Variants in RIMS1 observed in about 807,000 individuals in gnomAD.
RIMS1 encodes regulating synaptic membrane exocytosis protein 1.
Under a neutral mutation model 214.1 loss-of-function variants are expected in RIMS1, and 83 were observed. The observed-to-expected ratio is 0.39, with a 90% CI of 0.32 to 0.47. RIMS1 has a LOEUF of 0.47. Ranked by LOEUF, RIMS1 falls within the 20% of genes least tolerant of loss-of-function variation. The probability of loss-of-function intolerance (pLI) is 0.99; values close to 1 mark genes in which losing one functional copy is unlikely to be tolerated. For missense variants in RIMS1, 2,050 were observed against 2,161.8 expected (o/e 0.95, Z 1.03); for synonymous variants, 793 against 786.8 (o/e 1.01, Z -0.13).
At position 72,162,117 on chromosome 6, in the gene RIMS1, A is replaced by C. The variant is rs1199381848; in HGVS notation, c.472-17458A>C. On this transcript the variant is annotated intron_variant, in intron 4 of 33. Transcript: ENST00000521978. Reference sequence around the variant, plus strand: ...TTAGGATAGTTAGCTCTTCTTGTTGAATTGATCCCTTTACCATTATGTAAT... The same window carrying C: ...TTAGGATAGTTAGCTCTTCTTGTTGCATTGATCCCTTTACCATTATGTAAT... Among the ~76,000 whole-genome samples, 3 of 140,810 alleles carry C rather than the reference A, an allele frequency of 2.1e-5. 1 individual carries two copies. The highest frequency in any genetic ancestry group is 4.8e-5 in the Non-Finnish European group (3 of 61,948). 92.4% of individuals were successfully genotyped at this position (140,810 alleles called of 152,430 possible). A position where few individuals can be genotyped will look rare whatever the true frequency, so the allele number is the denominator to read the frequency against.
At chr6:72,179,300 T>C (rs1195309506) in intron 4 of RIMS1, among the ~76,000 whole-genome samples, 1 of 152,084 alleles carries the variant, frequency 6.6e-6, no homozygotes, top group Non-Finnish European at 1.5e-5. Context: ...ATATGACAGA[T>C]ATATGGTAAA....
At chr6:72,013,661 A>T (rs530643865) in intron 2 of RIMS1, among the ~76,000 whole-genome samples, 1 of 152,318 alleles carries the variant, frequency 6.6e-6, no homozygotes, top group Admixed American at 6.5e-5. Context: ...TTTCTCCTTC[A>T]TTTCAAATGC....
intron 29 of RIMS1, among the ~76,000 whole-genome samples, chr6:72,353,060 G>A (rs1345440248): frequency 2.2e-5 from 3 of 136,788 alleles, no homozygotes; most frequent in Non-Finnish European, 3.0e-5. Flanking sequence ...GCGAGATCTC[G>A]GCTCACTGCA....
At chr6:71,891,013 A>G (rs1246112435) in intron 1 of RIMS1, among the ~76,000 whole-genome samples, 1 of 152,200 alleles carries the variant, frequency 6.6e-6, no homozygotes, top group African/African-American at 2.4e-5. Flanking sequence ...GAAGCAGCCT[A>G]TATTTCATTT....
chr6:72,038,118 AATATATATAT>A lies in RIMS1; in HGVS notation c.246-58805_246-58796del, dbSNP rs70994111. Among the ~76,000 whole-genome samples the A allele has an allele frequency of 9.8e-3, 132 of 13,406 alleles. 4 individuals are homozygous for A. Among genetic ancestry groups the A allele is most frequent in the African/African-American group, 0.035 (105 of 3,038 alleles). The allele number at this position is 13,406 out of a possible 152,430, so 8.8% of individuals were successfully genotyped here. ...AAAAAAAAAAAAAAAAAAAAAAAAAAATATATATATATATATATATATATATATATATATA... is the reference window on the plus strand; with the variant it reads ...AAAAAAAAAAAAAAAAAAAAAAAAAAATATATATATATATATATATATATA... On this transcript the variant is annotated intron_variant, in intron 2 of 33. Coordinates refer to ENST00000521978, the MANE Select transcript of RIMS1 (RefSeq NM_014989.7).
intron 2 of RIMS1, among the ~76,000 whole-genome samples, chr6:72,090,290 T>A (rs1197246405): frequency 6.6e-6 from 1 of 152,184 alleles, no homozygotes; most frequent in African/African-American, 2.4e-5. Context: ...TACAGGCATG[T>A]GCCACTGTGC....
chr6:72,304,301 T>C (rs2094931626), intron 26 of RIMS1, among the ~76,000 whole-genome samples: 1 of 151,734 alleles, frequency 6.6e-6, no homozygotes, highest in Non-Finnish European at 1.5e-5. Flanking sequence ...GGGTTTAAAA[T>C]TGTTAAAATA....
Position 72,151,839 on chromosome 6 carries a change from C to G in RIMS1, c.472-27736C>G, listed in dbSNP as rs547571760. Among the ~76,000 whole-genome samples, 4 of 152,298 alleles carry G rather than the reference C, an allele frequency of 2.6e-5. No homozygotes were observed. In the South Asian group the frequency reaches 8.3e-4, roughly 32 times the overall value. On this transcript the variant is annotated intron_variant, in intron 4 of 33. Coordinates refer to ENST00000521978, the MANE Select transcript of RIMS1 (RefSeq NM_014989.7). ...GTAAGGAAAAGAAGTTTAACTGGCT[C>G]ACAGTTCTGCAGGATGTACAGAAGT... is the stretch of plus-strand genomic sequence containing the variant.
Position 72,177,288 on chromosome 6 carries a change from A to G in RIMS1, c.472-2287A>G, listed in dbSNP as rs537636631. On this transcript the variant is annotated intron_variant, in intron 4 of 33. Coordinates refer to ENST00000521978, the MANE Select transcript of RIMS1 (RefSeq NM_014989.7). ...TTATTTTGAGATGGAGTCTCGCTCT[A>G]TCGTCCAGGCTGGAGAACAGTGGCG... Among the ~76,000 whole-genome samples, 8 of 152,300 alleles carry G rather than the reference A, an allele frequency of 5.3e-5. No homozygotes were observed. The East Asian group carries it at 1.5e-3, about 29-fold the overall frequency.
intron 29 of RIMS1, among the ~76,000 whole-genome samples, chr6:72,364,926 A>G (rs1169003226): frequency 6.6e-6 from 1 of 152,190 alleles, no homozygotes; most frequent in African/African-American, 2.4e-5. Context: ...AGCTGACTAC[A>G]CAATTGGAAG....
chr6:72,288,321 T>C (rs2092747569), intron 24 of RIMS1, among the ~76,000 whole-genome samples: 1 of 152,242 alleles, frequency 6.6e-6, no homozygotes. Flanking sequence ...TATACTTGTA[T>C]GTATAAACCT....
intron 1 of RIMS1, among the ~76,000 whole-genome samples, chr6:71,950,248 C>T (rs1399097864): frequency 4.6e-5 from 7 of 152,076 alleles, no homozygotes; most frequent in Non-Finnish European, 1.5e-5. Context: ...GTAGAGAAGT[C>T]TTTTGGGTGA....
chr6:72,145,901 C>T (rs1172395086), intron 4 of RIMS1, among the ~76,000 whole-genome samples: 1 of 152,206 alleles, frequency 6.6e-6, no homozygotes, highest in Admixed American at 6.5e-5. Context: ...GTTAAGAATA[C>T]TCCCAAATCG....
At chr6:72,217,182 T>C in intron 6 of RIMS1, 4 of 1,536,898 alleles carry the variant, frequency 2.6e-6, no homozygotes, top group African/African-American at 2.7e-5. Flanking sequence ...ACTCCGATGC[T>C]GCTGTTATGT....
chr6:71,969,594 AG>A (rs1795328578), intron 2 of RIMS1, among the ~76,000 whole-genome samples: 1 of 152,104 alleles, frequency 6.6e-6, no homozygotes, highest in African/African-American at 2.4e-5. Context: ...GGATCACCTG[AG>A]GTATGGAGTT....
At chr6:72,339,949 G>A (rs1019402689) in intron 29 of RIMS1, among the ~76,000 whole-genome samples, 1 of 152,118 alleles carries the variant, frequency 6.6e-6, no homozygotes, top group East Asian at 1.9e-4. Context: ...AGCACCTGTT[G>A]TTTCCTGACT....
rs577566363 is a variant in RIMS1 at position 72,307,661 on chromosome 6, C to G, written c.3963+291C>G. Reference sequence around the variant, plus strand: ...ACTTGGGAGGCTGAGGTAGGAGAATCCCTTGAACCTGGGAGGCGGAAGTTG... The same window carrying G: ...ACTTGGGAGGCTGAGGTAGGAGAATGCCTTGAACCTGGGAGGCGGAAGTTG... On this transcript the variant is annotated intron_variant, in intron 27 of 33. Coordinates refer to ENST00000521978, the MANE Select transcript of RIMS1 (RefSeq NM_014989.7). 2.6e-5 allele frequency among the ~76,000 whole-genome samples: 4 copies of G among 152,024 alleles called. No individual in the cohort carries two copies. In the South Asian group the frequency reaches 6.2e-4, roughly 24 times the overall value.
At chr6:72,345,836 G>A (rs952250468) in intron 29 of RIMS1, among the ~76,000 whole-genome samples, 2 of 151,682 alleles carry the variant, frequency 1.3e-5, no homozygotes, top group African/African-American at 2.4e-5. Context: ...ATAAGGTTAC[G>A]TGATGTTACC....
At position 71,886,771 on chromosome 6, in the gene RIMS1, G is replaced by A. The variant is rs1211756647; in HGVS notation, c.-253G>A. 3 of 339,942 alleles carry A rather than the reference G, an allele frequency of 8.8e-6. No homozygotes were observed. The highest frequency in any genetic ancestry group is 4.7e-5 in the East Asian group (1 of 21,290). The allele number at this position is 339,942 out of a possible 1,614,324, so 21.1% of individuals were successfully genotyped here. A position where few individuals can be genotyped will look rare whatever the true frequency, so the allele number is the denominator to read the frequency against. Reference sequence around the variant, plus strand: ...CTGGGCTGCGGGAGGCGGCCGGGCGGCCCCGAGCTTCGCTAGGGCGACCAA... The same window carrying A: ...CTGGGCTGCGGGAGGCGGCCGGGCGACCCCGAGCTTCGCTAGGGCGACCAA... On this transcript the variant is annotated 5_prime_UTR_variant, in exon 1 of 34. Coordinates refer to ENST00000521978, the MANE Select transcript of RIMS1 (RefSeq NM_014989.7).
Sources: gnomAD v4.1 joint callset for allele counts (sites outside exome capture counted in the v4.1 genomes callset) on GRCh38, gnomAD v4.1.1 for gene constraint, MANE v1.5 for transcripts, NCBI Gene and HGNC (gene_info 2026-07-23, HGNC 2026-07-21) for gene names.